MCTP2: variants seen among roughly 807,000 people sequenced by gnomAD.
MCTP2 encodes the protein multiple C2 and transmembrane domain containing 2.
MCTP2 carries 132 observed loss-of-function variants against 111.6 expected under a neutral mutation model. The observed-to-expected ratio is 1.18, with a 90% CI of 1.03 to 1.37. MCTP2 has a LOEUF of 1.37. Ranked by LOEUF, MCTP2 falls within the 40% of genes most tolerant of loss-of-function variation. The pLI, the probability that MCTP2 is intolerant of heterozygous loss-of-function variation, is 0.00. For synonymous variants in MCTP2, 395 were observed against 387.7 expected (o/e 1.02, Z -0.22); for missense variants, 1,183 against 1,067.9 (o/e 1.11, Z -1.50).
At chr15:94,327,123 G>C (rs68170939) in intron 4 of MCTP2, among the ~76,000 whole-genome samples, 28,997 of 151,908 alleles carry the variant, frequency 0.19, 3,015 homozygotes, top group Middle Eastern at 0.34. Context: ...TTAATCTTAC[G>C]ATTCTTTTCT....
At chr15:94,284,192 T>G (rs1365972755) in intron 1 of MCTP2, among the ~76,000 whole-genome samples, 1 of 152,200 alleles carries the variant, frequency 6.6e-6, no homozygotes, top group Non-Finnish European at 1.5e-5. Flanking sequence ...ACAGGATAAG[T>G]CTCTCTTGTG....
chr15:94,443,192 A>G (rs1267149534), intron 19 of MCTP2, among the ~76,000 whole-genome samples: 1 of 152,160 alleles, frequency 6.6e-6, no homozygotes, highest in Non-Finnish European at 1.5e-5. Flanking sequence ...TATAAAAAGC[A>G]TAACTATAGG....
intron 17 of MCTP2, among the ~76,000 whole-genome samples, chr15:94,430,692 G>C (rs950824622): frequency 2.6e-5 from 4 of 151,998 alleles, no homozygotes; most frequent in Non-Finnish European, 4.4e-5. Context: ...AGGTTGCAGT[G>C]AGTGAGCTGA....
intron 1 of MCTP2, among the ~76,000 whole-genome samples, chr15:94,272,710 T>C (rs927741751): frequency 2.8e-5 from 4 of 142,242 alleles, no homozygotes; most frequent in African/African-American, 1.1e-4. Context: ...TGGGTTCTAT[T>C]TGTCATAAGA....
At chr15:94,304,031 A>G (rs1251873994) in intron 2 of MCTP2, among the ~76,000 whole-genome samples, 1 of 152,214 alleles carries the variant, frequency 6.6e-6, no homozygotes, top group Non-Finnish European at 1.5e-5. Flanking sequence ...GCTCTAAGAC[A>G]TGTACTAACT....
intron 12 of MCTP2, among the ~76,000 whole-genome samples, chr15:94,383,796 A>T (rs750543537): frequency 9.2e-5 from 14 of 152,200 alleles, no homozygotes; most frequent in Non-Finnish European, 1.9e-4. Context: ...ACCAGACCGT[A>T]TCAGGCGGTG....
At chr15:94,285,713 A>G (rs1233712041) in intron 1 of MCTP2, among the ~76,000 whole-genome samples, 1 of 152,118 alleles carries the variant, frequency 6.6e-6, no homozygotes, top group East Asian at 1.9e-4. Context: ...CTTTTCTCCA[A>G]ACTTCTCCAA....
At chr15:94,338,027 A>C (rs2077451324) in intron 4 of MCTP2, among the ~76,000 whole-genome samples, 1 of 152,234 alleles carries the variant, frequency 6.6e-6, no homozygotes, top group South Asian at 2.1e-4. Flanking sequence ...CTGAAAAAGT[A>C]AAAGATTGAA....
chr15:94,331,161 C>T (rs1032733962), intron 4 of MCTP2, among the ~76,000 whole-genome samples: 9 of 152,140 alleles, frequency 5.9e-5, no homozygotes, highest in African/African-American at 2.2e-4. Flanking sequence ...TTTTCTTCTT[C>T]TATTTATAAA....
At chr15:94,349,448 G>A (rs1394880347) in intron 8 of MCTP2, among the ~76,000 whole-genome samples, 5 of 152,170 alleles carry the variant, frequency 3.3e-5, no homozygotes, top group Non-Finnish European at 1.5e-5. Flanking sequence ...GCAGGTAAGA[G>A]AAATGAGAAT....
intron 20 of MCTP2, among the ~76,000 whole-genome samples, chr15:94,462,478 C>T (rs1056389595): frequency 6.6e-6 from 1 of 152,164 alleles, no homozygotes; most frequent in African/African-American, 2.4e-5. Flanking sequence ...ATTTACCAAG[C>T]TCCTTCAACT....
At chr15:94,335,997 A>G (rs2077341967) in intron 4 of MCTP2, among the ~76,000 whole-genome samples, 1 of 152,226 alleles carries the variant, frequency 6.6e-6, no homozygotes, top group Non-Finnish European at 1.5e-5. Flanking sequence ...AAATTAAAAA[A>G]AGGAGAAGAG....
At chr15:94,244,075 TTTA>T (rs1252684313) in intron 1 of MCTP2, among the ~76,000 whole-genome samples, 6 of 144,420 alleles carry the variant, frequency 4.2e-5, no homozygotes, top group East Asian at 2.1e-4. Flanking sequence ...TGTGTATATA[TTTA>T]TGCACACATA....
intron 6 of MCTP2, 100 bp downstream of exon 6, chr15:94,340,375 T>C (rs2152403442): frequency 2.3e-6 from 2 of 858,646 alleles, no homozygotes; most frequent in Non-Finnish European, 3.8e-6. Flanking sequence ...AAAAATAACA[T>C]ATCTGAACAA....
At chr15:94,312,171 G>C (rs1336282555) in intron 2 of MCTP2, among the ~76,000 whole-genome samples, 1 of 152,206 alleles carries the variant, frequency 6.6e-6, no homozygotes, top group Non-Finnish European at 1.5e-5. Context: ...GGCTCTGCAT[G>C]TGAAGGCATG....
chr15:94,328,344 G>A (rs28522742), intron 4 of MCTP2, among the ~76,000 whole-genome samples: 38 of 151,890 alleles, frequency 2.5e-4, no homozygotes, highest in Admixed American at 1.6e-3. Context: ...TAGCCAGGAT[G>A]GTCTTGATCT....
At chr15:94,267,328 G>A (rs1185525553) in intron 1 of MCTP2, among the ~76,000 whole-genome samples, 1 of 152,096 alleles carries the variant, frequency 6.6e-6, no homozygotes, top group East Asian at 1.9e-4. Context: ...TGCTTTTTAT[G>A]TACGAATTCT....
chr15:94,456,972 A>G (rs778753394), intron 19 of MCTP2, among the ~76,000 whole-genome samples: 4 of 152,216 alleles, frequency 2.6e-5, no homozygotes, highest in Non-Finnish European at 5.9e-5. Context: ...CCATGACTCC[A>G]GTTTAATGGA....
intron 12 of MCTP2, among the ~76,000 whole-genome samples, chr15:94,378,191 G>A (rs1322636767): frequency 6.6e-6 from 1 of 152,088 alleles, no homozygotes; most frequent in Admixed American, 6.6e-5. Flanking sequence ...TATTGTTGAG[G>A]GGCTTGAGAA....
Sources: gnomAD v4.1 joint callset for allele counts (sites outside exome capture counted in the v4.1 genomes callset) on GRCh38, gnomAD v4.1.1 for gene constraint, MANE v1.5 for transcripts, NCBI Gene and HGNC (gene_info 2026-07-23, HGNC 2026-07-21) for gene names.